PPARGC1A: variants seen among roughly 807,000 people sequenced by gnomAD.
PPARGC1A encodes PPARG coactivator 1 alpha.
In PPARGC1A, 25 loss-of-function variants were observed where a neutral mutation model predicts 88.7. The observed-to-expected ratio is 0.28, with a 90% confidence interval of 0.21 to 0.39. PPARGC1A has a LOEUF of 0.39. PPARGC1A is among the 10% of genes least tolerant of loss of function. PPARGC1A has a pLI of 1.00. For synonymous variants in PPARGC1A, 363 were observed against 355.6 expected (o/e 1.02, Z -0.24); for missense variants, 880 against 968.7 (o/e 0.91, Z 1.22).
At chr4:24,314,399 A>G in the PPARGC1A span, among the ~76,000 whole-genome samples, 1 of 152,192 alleles carries the variant, frequency 6.6e-6, no homozygotes, top group African/African-American at 2.4e-5. Flanking sequence ...GAACTAACTT[A>G]GTCCCTCTTT....
At chr4:23,899,292 A>T (rs898509935) in exon 1 of PPARGC1A, 1 of 152,256 alleles carries the variant, frequency 6.6e-6, no homozygotes, top group Non-Finnish European at 1.5e-5. Context: ...GGGTATGTTC[A>T]GCTTGTGTGC....
chr4:24,248,326 C>T, the PPARGC1A span, among the ~76,000 whole-genome samples: 2,334 of 151,990 alleles, frequency 0.015, 58 homozygotes, highest in African/African-American at 0.053. Flanking sequence ...GGAGTTTCAC[C>T]GTGTTAGCCA....
the PPARGC1A span, among the ~76,000 whole-genome samples, chr4:24,339,241 C>T: frequency 4.8e-5 from 7 of 144,832 alleles, no homozygotes; most frequent in South Asian, 2.3e-4. Flanking sequence ...TATATATACA[C>T]ACACACACAC....
chr4:23,822,690 G>A (rs1257318630), intron 7 of PPARGC1A, among the ~76,000 whole-genome samples: 4 of 152,000 alleles, frequency 2.6e-5, no homozygotes, highest in Non-Finnish European at 5.9e-5. Context: ...TGCATTTCAA[G>A]CCCAGAATAT....
At chr4:24,371,828 G>C in the PPARGC1A span, among the ~76,000 whole-genome samples, 1 of 151,612 alleles carries the variant, frequency 6.6e-6, no homozygotes, top group Admixed American at 6.6e-5. Flanking sequence ...GTGCGTGCCT[G>C]TAGTCTCAGC....
chr4:24,207,123 A>T, the PPARGC1A span, among the ~76,000 whole-genome samples: 2 of 152,088 alleles, frequency 1.3e-5, no homozygotes, highest in Non-Finnish European at 2.9e-5. Context: ...AATTTAACAT[A>T]AAATCAGTCT....
chr4:24,287,665 C>CACACACACACACA, the PPARGC1A span, among the ~76,000 whole-genome samples: 6 of 151,342 alleles, frequency 4.0e-5, no homozygotes, highest in East Asian at 3.9e-4. Context: ...CACACACACA[C>CACACACACACACA]AACTGCACTC....
the PPARGC1A span, among the ~76,000 whole-genome samples, chr4:24,037,764 G>T: frequency 6.6e-6 from 1 of 152,124 alleles, no homozygotes; most frequent in African/African-American, 2.4e-5. Context: ...GACATGCTGT[G>T]TAAATATACT....
chr4:24,463,539 A>T, the PPARGC1A span, among the ~76,000 whole-genome samples: 1 of 152,244 alleles, frequency 6.6e-6, no homozygotes, highest in Non-Finnish European at 1.5e-5. Context: ...AAGAGATGGA[A>T]CAAAGAATGA....
chr4:23,833,626 T>C (rs540818705), intron 2 of PPARGC1A, among the ~76,000 whole-genome samples: 6 of 152,324 alleles, frequency 3.9e-5, no homozygotes, highest in Non-Finnish European at 8.8e-5. Flanking sequence ...ATTGTATTAC[T>C]AGAGAAATTA....
the PPARGC1A span, among the ~76,000 whole-genome samples, chr4:24,172,077 C>A: frequency 2.6e-5 from 4 of 152,280 alleles, no homozygotes; most frequent in African/African-American, 9.6e-5. Context: ...CAGCCTCCAA[C>A]AGCAGTCCTC....
the PPARGC1A span, among the ~76,000 whole-genome samples, chr4:24,410,836 T>C: frequency 2.6e-5 from 4 of 152,166 alleles, no homozygotes; most frequent in African/African-American, 9.7e-5. Context: ...CGCCAGGGGC[T>C]CCCAGGCCTT....
At chr4:23,874,898 A>C (rs1350848617) in intron 2 of PPARGC1A, among the ~76,000 whole-genome samples, 1 of 152,232 alleles carries the variant, frequency 6.6e-6, no homozygotes, top group African/African-American at 2.4e-5. Context: ...GGAAGAGTGA[A>C]GAACAACACA....
the PPARGC1A span, among the ~76,000 whole-genome samples, chr4:23,990,822 A>G: frequency 3.8e-3 from 578 of 152,202 alleles, no homozygotes; most frequent in Non-Finnish European, 6.6e-3. Flanking sequence ...GGAGGAGAGT[A>G]AAGCATGACC....
the PPARGC1A span, among the ~76,000 whole-genome samples, chr4:24,016,350 C>T: frequency 2.6e-5 from 4 of 152,140 alleles, no homozygotes; most frequent in Non-Finnish European, 4.4e-5. Context: ...TTGAACCAAT[C>T]GGCCAAATCT....
At chr4:24,051,660 GAGTGTCTGGCAGGCATGTAAGTA>G in the PPARGC1A span, among the ~76,000 whole-genome samples, 1 of 152,224 alleles carries the variant, frequency 6.6e-6, no homozygotes, top group Non-Finnish European at 1.5e-5. Context: ...ACTGGCATGA[GAGTGTCTGGCAGGCATGTAAGTA>G]AGTGTCCGGC....
intron 1 of PPARGC1A, chr4:23,889,264 G>T: frequency 1.0e-6 from 1 of 985,358 alleles, no homozygotes; most frequent in African/African-American, 1.7e-5. Context: ...CCACCGACGC[G>T]AACGGAAAAC....
At chr4:24,096,554 G>A in the PPARGC1A span, among the ~76,000 whole-genome samples, 2 of 152,168 alleles carry the variant, frequency 1.3e-5, no homozygotes, top group East Asian at 1.9e-4. Context: ...TAAAGTAAAA[G>A]TCATGGCAAG....
intron 5 of PPARGC1A, chr4:23,825,142 C>T (rs956827761): frequency 3.9e-5 from 6 of 151,972 alleles, no homozygotes; most frequent in Admixed American, 3.3e-4. Flanking sequence ...CTAACTACTG[C>T]CTTTTGTGCT....
Sources: gnomAD v4.1 joint callset for allele counts (sites outside exome capture counted in the v4.1 genomes callset) on GRCh38, gnomAD v4.1.1 for gene constraint, MANE v1.5 for transcripts, NCBI Gene and HGNC (gene_info 2026-07-23, HGNC 2026-07-21) for gene names.